Variants in GMFB observed in about 807,000 individuals in gnomAD.
GMFB encodes the protein glia maturation factor beta.
A neutral mutation model predicts 25.6 loss-of-function variants in GMFB; 13 were observed. That is an observed-to-expected ratio of 0.51 (90% CI 0.33 to 0.81). The LOEUF (loss-of-function observed/expected upper bound fraction) is 0.81, where lower values mean the gene tolerates loss of function less well. Ranked by LOEUF, GMFB falls within the 30% of genes least tolerant of loss-of-function variation. The probability of loss-of-function intolerance (pLI) is 0.02; values close to 1 mark genes in which losing one functional copy is unlikely to be tolerated. For missense variants in GMFB, 146 were observed against 175.4 expected, an observed-to-expected ratio of 0.83 and a Z score of 0.95; for synonymous variants, 57 against 56.9, an observed-to-expected ratio of 1.00 and a Z score of 0.00.
chr14:54,475,710 T>C lies in GMFB; in HGVS notation c.*2378A>G, dbSNP rs1292402633. On this transcript the variant is annotated 3_prime_UTR_variant, in exon 7 of 7. Transcript: ENST00000358056. Reference sequence around the variant, plus strand: ...ATTACCAGTTGGTTCTATTTTGACATTAGATGCTATGCAGAACTTATGCAG... The same window carrying C: ...ATTACCAGTTGGTTCTATTTTGACACTAGATGCTATGCAGAACTTATGCAG... The C allele has an allele frequency of 6.6e-6, 1 of 152,456 alleles. No individual in the cohort carries two copies. The highest frequency in any genetic ancestry group is 1.5e-5 in the Non-Finnish European group (1 of 67,924). The allele number at this position is 152,456 out of a possible 1,614,324, so 9.4% of individuals were successfully genotyped here. A position where few individuals can be genotyped will look rare whatever the true frequency, so the allele number is the denominator to read the frequency against.
chr14:54,481,971 A>C (rs2031716413), intron 3 of GMFB, among the ~76,000 whole-genome samples, 182 bp downstream of exon 3: 1 of 152,180 alleles, frequency 6.6e-6, no homozygotes. Context: ...TAATGCTTTT[A>C]AACAAGGTAG....
At chr14:54,487,821 T>C (rs1481671044) in intron 1 of GMFB, among the ~76,000 whole-genome samples, 4 of 152,150 alleles carry the variant, frequency 2.6e-5, no homozygotes, top group African/African-American at 7.2e-5. Context: ...AGCCATAGTT[T>C]AGGATGAAGA....
In GMFB at chr14:54,482,142, A is replaced by T; in HGVS notation, c.150+11T>A. ...TTAACTATAAAATTGTATTTAGTTC[A>T]TTGAACAAACCTCAAGCTCCTCATC... is the stretch of plus-strand genomic sequence containing the variant. On this transcript the variant is annotated intron_variant, in intron 3 of 6. Coordinates refer to ENST00000358056, the MANE Select transcript of GMFB (RefSeq NM_004124.3). 2 of 1,534,854 alleles carry T rather than the reference A, an allele frequency of 1.3e-6. No homozygotes were observed. Among genetic ancestry groups the T allele is most frequent in the Non-Finnish European group, 1.8e-6 (2 of 1,108,528 alleles).
At chr14:54,487,547 C>CA (rs2031804024) in intron 1 of GMFB, among the ~76,000 whole-genome samples, 1 of 148,460 alleles carries the variant, frequency 6.7e-6, no homozygotes, top group Non-Finnish European at 1.5e-5. Flanking sequence ...TCAAAACAAA[C>CA]AAACAAAAAA....
Position 54,479,851 on chromosome 14 carries a change from G to A in GMFB, c.292C>T (p.Pro98Ser), listed in dbSNP as rs1555326925. The change falls in exon 6 of 7, where the codon CCT becomes TCT. Residue 98 changes from proline to serine, a missense_variant. Pro to Ser is a moderately conservative substitution (Grantham distance 74). Coordinates refer to ENST00000358056, the MANE Select transcript of GMFB (RefSeq NM_004124.3). ...FIFSSPVGCK[P>S]EQQMMYAGSK... The stretch of plus-strand genomic sequence containing the variant: ...CCAGCATACATCATCTGTTGTTCAG[G>A]CTTACATCCTGGAAAAGAGAGATTA... 2 of 1,594,480 alleles carry A rather than the reference G, an allele frequency of 1.3e-6. No individual in the cohort carries two copies. The highest frequency in any genetic ancestry group is 1.7e-5 in the Admixed American group (1 of 59,838).
In GMFB at chr14:54,475,420, A is replaced by T. The variant is rs2031624965; in HGVS notation, c.*2668T>A. 2 of 152,596 alleles carry T rather than the reference A, an allele frequency of 1.3e-5. No individual in the cohort carries two copies. The highest frequency in any genetic ancestry group is 4.8e-5 in the African/African-American group (2 of 41,454). The allele number at this position is 152,596 out of a possible 1,614,324, so 9.5% of individuals were successfully genotyped here. ...AGATTATTTAGTAATGACAGTAAAA[A>T]ATTTAGCAACACACACTTAAACAAG... On this transcript the variant is annotated 3_prime_UTR_variant, in exon 7 of 7. Transcript: ENST00000358056.
intron 1 of GMFB, among the ~76,000 whole-genome samples, chr14:54,488,028 C>A (rs1449737669): frequency 6.6e-6 from 1 of 152,114 alleles, no homozygotes; most frequent in African/African-American, 2.4e-5. Flanking sequence ...CTCTGGAATG[C>A]AGCTAAAAGG....
chr14:54,483,542 A>G, intron 2 of GMFB, 129 bp downstream of exon 2: 1 of 626,756 alleles, frequency 1.6e-6, no homozygotes, highest in Non-Finnish European at 2.9e-6. Context: ...AAGTGATCTA[A>G]AGGTGGTGGT....
chr14:54,480,191 A>G (rs1217883552), intron 5 of GMFB: 1 of 209,772 alleles, frequency 4.8e-6, no homozygotes, highest in Admixed American at 5.6e-5. Context: ...TTTATGGATG[A>G]CTAAAATACA....
intron 6 of GMFB, chr14:54,479,166 G>A (rs956881020): frequency 1.3e-5 from 2 of 151,996 alleles, no homozygotes; most frequent in Non-Finnish European, 2.9e-5. Flanking sequence ...ACACAGTTTT[G>A]GCAATATAAT....
chr14:54,479,936 A>G, intron 5 of GMFB, 77 bp from the exon 6 acceptor site: 1 of 831,896 alleles, frequency 1.2e-6, no homozygotes, highest in Non-Finnish European at 2.0e-6. Context: ...TTTATTTTTT[A>G]AAATGACACA....
chr14:54,483,638 C>T lies in GMFB; in HGVS notation c.100+33G>A, dbSNP rs768358132. 7.6e-6 allele frequency: 8 copies of T among 1,055,010 alleles called. No homozygotes were observed. The African/African-American group carries it at 1.1e-4, about 15-fold the overall frequency. The allele number at this position is 1,055,010 out of a possible 1,614,324, so 65.4% of individuals were successfully genotyped here. The stretch of plus-strand genomic sequence containing the variant: ...TACAAGATTAAAAACAAATTAAGAC[C>T]ATGTAACTTTGAGGCAATCACTTTT... On this transcript the variant is annotated intron_variant, in intron 2 of 6. Transcript: ENST00000358056.
In GMFB at chr14:54,478,070, G is replaced by GAT; in HGVS notation, c.*17_*18insAT. 8.4e-7 allele frequency: 1 copy of GAT among 1,186,300 alleles called. No homozygotes were observed. The allele number at this position is 1,186,300 out of a possible 1,614,324, so 73.5% of individuals were successfully genotyped here. ...GTCAGGTTAATACATAAATACTTTA[G>GAT]AAACACAGAAGTTCACATTAGTGAA... is the stretch of plus-strand genomic sequence containing the variant. On this transcript the variant is annotated 3_prime_UTR_variant, in exon 7 of 7. Coordinates refer to ENST00000358056, the MANE Select transcript of GMFB (RefSeq NM_004124.3).
In GMFB at chr14:54,481,423, A is replaced by G; in HGVS notation, c.186T>C (p.Pro62=). 6.2e-7 allele frequency: 1 copy of G among 1,607,192 alleles called. No individual in the cohort carries two copies. The highest frequency in any genetic ancestry group is 8.5e-7 in the Non-Finnish European group (1 of 1,173,940). The change falls in exon 4 of 7, where the codon CCT becomes CCC. Residue 62 remains proline, a synonymous_variant. Transcript: ENST00000358056. The stretch of plus-strand genomic sequence containing the variant: ...GAAAAGGATATCGAGGTTGTCGTTC[A>G]GGTAGTTCATCTTTAAGTTCATCTG... ...ISPDELKDEL[P]ERQPRFIVYS...
chr14:54,485,808 G>T lies in GMFB; in HGVS notation c.4-2041C>A, dbSNP rs193039378. On this transcript the variant is annotated intron_variant, in intron 1 of 6. Transcript: ENST00000358056. ...TCCTGGCATAAAACCACACACACAG[G>T]CCAATGAAACAGAATAGAGAACCCA... Among the ~76,000 whole-genome samples the T allele has an allele frequency of 3.0e-3, 454 of 152,178 alleles. 4 individuals carry two copies. Among genetic ancestry groups the T allele is most frequent in the African/African-American group, 0.011 (437 of 41,524 alleles).
rs976446573 is a variant in GMFB, at chr14:54,478,012, CATAA to C, written c.*72_*75del. ...CTGTAAGTAACAGTGCATTTTTAGG[CATAA>C]ATAAGTATTTATGTCTGATTCCAGT... On this transcript the variant is annotated 3_prime_UTR_variant, in exon 7 of 7. Coordinates refer to ENST00000358056, the MANE Select transcript of GMFB (RefSeq NM_004124.3). The C allele has an allele frequency of 1.5e-6, 1 of 649,280 alleles. No individual in the cohort carries two copies. Among genetic ancestry groups the C allele is most frequent in the African/African-American group, 1.9e-5 (1 of 51,846 alleles). 40.2% of individuals were successfully genotyped at this position (649,280 alleles called of 1,614,324 possible). A position where few individuals can be genotyped will look rare whatever the true frequency, so the allele number is the denominator to read the frequency against.
rs1456068718 is a variant in GMFB at position 54,477,586 on chromosome 14, T to TC, written c.*501dup. ...GAAACCAAAGAAGATACAGAATTCA[T>TC]CAATGTACTTGTAATACAGGTTACA... On this transcript the variant is annotated 3_prime_UTR_variant, in exon 7 of 7. Coordinates refer to ENST00000358056, the MANE Select transcript of GMFB (RefSeq NM_004124.3). The TC allele has an allele frequency of 6.6e-6, 1 of 152,100 alleles. No homozygotes were observed. The highest frequency in any genetic ancestry group is 2.4e-5 in the African/African-American group (1 of 41,454). 9.4% of individuals were successfully genotyped at this position (152,100 alleles called of 1,614,324 possible). A position where few individuals can be genotyped will look rare whatever the true frequency, so the allele number is the denominator to read the frequency against.
chr14:54,478,242 A>T, intron 6 of GMFB, 83 bp from the exon 7 acceptor site: 1 of 521,770 alleles, frequency 1.9e-6, no homozygotes, highest in Non-Finnish European at 3.4e-6. Flanking sequence ...AATATATTTG[A>T]GTATTATACA....
intron 1 of GMFB, among the ~76,000 whole-genome samples, chr14:54,485,721 C>CA (rs2031772379): frequency 2.0e-5 from 3 of 152,084 alleles, no homozygotes; most frequent in Non-Finnish European, 1.5e-5. Context: ...CAACCCTCAG[C>CA]AAAAAGAACA....
Sources: gnomAD v4.1 joint callset for allele counts (sites outside exome capture counted in the v4.1 genomes callset) on GRCh38, gnomAD v4.1.1 for gene constraint, MANE v1.5 for transcripts, NCBI Gene and HGNC (gene_info 2026-07-23, HGNC 2026-07-21) for gene names.